RMST: variants seen among roughly 807,000 people sequenced by gnomAD.
RMST encodes rhabdomyosarcoma 2 associated transcript, also known as long intergenic non-protein coding RNA 54.
At chr12:97,470,079 GC>G (rs1565915779) in intron 5 of RMST, among the ~76,000 whole-genome samples, 1 of 151,970 alleles carries the variant, frequency 6.6e-6, no homozygotes, top group African/African-American at 2.4e-5. Context: ...TTTTGCCACT[GC>G]CTTCTCAAAG....
intron 5 of RMST, among the ~76,000 whole-genome samples, chr12:97,479,133 C>T (rs1344212439): frequency 3.0e-4 from 21 of 69,038 alleles, no homozygotes; most frequent in South Asian, 6.9e-4. Flanking sequence ...CTTGTCTTTG[C>T]TTTTTTTTTT....
rs146713980 is a variant in RMST at position 97,537,878 on chromosome 12, C to T, written n.1545+7019C>T. 2.7e-4 allele frequency among the ~76,000 whole-genome samples: 41 copies of T among 151,450 alleles called. No homozygotes were observed. The East Asian group carries it at 8.0e-3, about 29-fold the overall frequency. On this transcript the variant is annotated intron_variant and non_coding_transcript_variant, in intron 11 of 13. Transcript: ENST00000640149. ...TTCTGGTATTAATGTGAATATTTTA[C>T]TCAACTGGAGATATATTCATGTGTT...
chr12:97,546,032 A>G (rs1882903762), intron 11 of RMST, among the ~76,000 whole-genome samples: 2 of 152,134 alleles, frequency 1.3e-5, no homozygotes, highest in African/African-American at 4.8e-5. Context: ...TGGCACAAAA[A>G]GAAAGTAGGA....
Position 97,467,835 on chromosome 12 carries a change from C to A in RMST, n.644+2108C>A, listed in dbSNP as rs376646309. ...GGGAGAGGCGGGGGAAAGGCTAAAA[C>A]CTGGTTCATTAGAAATTGTGTATGA... On this transcript the variant is annotated intron_variant and non_coding_transcript_variant, in intron 5 of 13. Coordinates refer to ENST00000640149, the Ensembl canonical transcript of RMST. Among the ~76,000 whole-genome samples the A allele has an allele frequency of 1.1e-4, 16 of 152,058 alleles. 1 individual carries two copies. Among genetic ancestry groups the A allele is most frequent in the African/African-American group, 3.1e-4 (13 of 41,550 alleles).
chr12:97,470,308 C>A (rs1047058898), intron 5 of RMST, among the ~76,000 whole-genome samples: 1 of 151,942 alleles, frequency 6.6e-6, no homozygotes, highest in Non-Finnish European at 1.5e-5. Flanking sequence ...AGGGTCCCAG[C>A]AGTGAAATAA....
At position 97,524,075 on chromosome 12, in the gene RMST, C is replaced by CA. The variant is rs537840796; in HGVS notation, n.1341-6552dup. On this transcript the variant is annotated intron_variant and non_coding_transcript_variant, in intron 10 of 13. Transcript: ENST00000640149. Reference sequence around the variant, plus strand: ...TGGGCAACAGAGTGAGACTCTGTCTCAAAAAAAAAAAAAAAAAAAAAAAAA... The same window carrying CA: ...TGGGCAACAGAGTGAGACTCTGTCTCAAAAAAAAAAAAAAAAAAAAAAAAAA... Among the ~76,000 whole-genome samples the CA allele has an allele frequency of 9.3e-3, 519 of 56,100 alleles. 32 individuals carry two copies. Among genetic ancestry groups the CA allele is most frequent in the Non-Finnish European group, 0.011 (350 of 30,982 alleles). The allele number at this position is 56,100 out of a possible 152,430, so 36.8% of individuals were successfully genotyped here.
At chr12:97,486,559 C>G (rs1371583930) in intron 5 of RMST, among the ~76,000 whole-genome samples, 1 of 152,070 alleles carries the variant, frequency 6.6e-6, no homozygotes, top group Non-Finnish European at 1.5e-5. Flanking sequence ...AATTTCGAAC[C>G]AGAATAAAGC....
At chr12:97,524,076 A>AGAG (rs1555232791) in intron 10 of RMST, among the ~76,000 whole-genome samples, 1,689 of 22,952 alleles carry the variant, frequency 0.074, 417 homozygotes, top group Non-Finnish European at 0.12. Context: ...ACTCTGTCTC[A>AGAG]AAAAAAAAAA....
chr12:97,537,721 TG>T (rs1882179085), intron 11 of RMST, among the ~76,000 whole-genome samples: 1 of 151,484 alleles, frequency 6.6e-6, no homozygotes, highest in Non-Finnish European at 1.5e-5. Flanking sequence ...AGTCACATCA[TG>T]GAGCTTTCTA....
intron 5 of RMST, among the ~76,000 whole-genome samples, chr12:97,467,458 AT>A (rs757364563): frequency 1.6e-4 from 25 of 152,016 alleles, no homozygotes; most frequent in Non-Finnish European, 3.4e-4. Context: ...AATTAGACAA[AT>A]TTTTATACAA....
intron 10 of RMST, among the ~76,000 whole-genome samples, chr12:97,526,772 G>C (rs746549973): frequency 3.9e-5 from 6 of 152,242 alleles, no homozygotes; most frequent in Middle Eastern, 6.8e-3. Context: ...ATTCACCCAA[G>C]ATGCTTGTCT....
chr12:97,465,989 G>T (rs1488117867), intron 5 of RMST, among the ~76,000 whole-genome samples: 1 of 152,098 alleles, frequency 6.6e-6, no homozygotes, highest in Non-Finnish European at 1.5e-5. Context: ...TTTCTTTAGA[G>T]ACAATGATCA....
At chr12:97,468,235 A>G (rs1873427942) in intron 5 of RMST, among the ~76,000 whole-genome samples, 1 of 152,064 alleles carries the variant, frequency 6.6e-6, no homozygotes, top group Non-Finnish European at 1.5e-5. Flanking sequence ...GATTTAAGAA[A>G]AAAGTTATCC....
intron 10 of RMST, among the ~76,000 whole-genome samples, chr12:97,523,712 G>T (rs1788476292): frequency 6.6e-6 from 1 of 152,142 alleles, no homozygotes; most frequent in African/African-American, 2.4e-5. Context: ...CGCACAGCTT[G>T]CATCTTATCT....
intron 5 of RMST, among the ~76,000 whole-genome samples, chr12:97,466,162 T>C (rs1242746602): frequency 2.0e-5 from 3 of 152,182 alleles, no homozygotes; most frequent in Non-Finnish European, 4.4e-5. Flanking sequence ...GCCTATATTA[T>C]TGTAATCGCA....
intron 11 of RMST, among the ~76,000 whole-genome samples, chr12:97,548,840 A>G (rs1169607087): frequency 6.6e-6 from 1 of 152,096 alleles, no homozygotes; most frequent in Admixed American, 6.6e-5. Context: ...CAGAAAACAT[A>G]TTTTGATCAC....
chr12:97,564,996 A>G (rs546075861), exon 14 of RMST: 3 of 151,882 alleles, frequency 2.0e-5, no homozygotes, highest in Admixed American at 6.6e-5. Flanking sequence ...GATTTTCTGT[A>G]TTTTTTCAAT....
intron 5 of RMST, among the ~76,000 whole-genome samples, chr12:97,479,133 CTTTTTTTTTTTTT>C (rs386377507): frequency 1.7e-4 from 12 of 69,048 alleles, no homozygotes; most frequent in African/African-American, 6.8e-4. Flanking sequence ...CTTGTCTTTG[CTTTTTTTTTTTTT>C]TTTTTTTTTT....
intron 5 of RMST, among the ~76,000 whole-genome samples, chr12:97,486,709 C>T (rs557594369): frequency 1.2e-4 from 19 of 152,156 alleles, no homozygotes; most frequent in South Asian, 6.2e-4. Flanking sequence ...TTGGGAGAAA[C>T]GAATTTTTAA....
Sources: allele counts gnomAD v4.1 joint callset (sites outside exome capture counted in the v4.1 genomes callset), GRCh38; gene constraint gnomAD v4.1.1; transcripts MANE v1.5; gene names NCBI Gene and HGNC (gene_info 2026-07-23, HGNC 2026-07-21).